The following UBE3A variants were observed in gnomAD, a reference collection of about 807,000 sequenced individuals.
The protein encoded by UBE3A is ubiquitin protein ligase E3A, also known as ubiquitin-protein ligase E3A.
In UBE3A, 6 loss-of-function variants were observed where a neutral mutation model predicts 83.4. That is an observed-to-expected ratio of 0.07 (90% CI 0.04 to 0.14). The LOEUF is 0.14. UBE3A is among the 10% of genes least tolerant of loss of function. The probability of loss-of-function intolerance (pLI) is 1.00; values close to 1 mark genes in which losing one functional copy is unlikely to be tolerated. For missense variants in UBE3A, 456 were observed against 1,036.1 expected (o/e 0.44, Z 7.69); for synonymous variants, 337 against 355.4 (o/e 0.95, Z 0.58).
chr15:25,426,299 T>C (rs1018149787), intron 1 of UBE3A, among the ~76,000 whole-genome samples: 2 of 152,220 alleles, frequency 1.3e-5, no homozygotes, highest in African/African-American at 4.8e-5. Context: ...TCAACAATTC[T>C]ACAATCTGAA....
intron 7 of UBE3A, among the ~76,000 whole-genome samples, chr15:25,358,684 C>T (rs990172741): frequency 1.3e-5 from 2 of 152,138 alleles, no homozygotes; most frequent in African/African-American, 4.8e-5. Context: ...GTCATTGTCA[C>T]TTTAAGTTTA....
rs540862781 is a variant in UBE3A at position 25,376,294 on chromosome 15, A to G, written c.63-531T>C. Among the ~76,000 whole-genome samples, 5 of 152,324 alleles carry G rather than the reference A, an allele frequency of 3.3e-5. No homozygotes were observed. In the South Asian group the frequency reaches 8.3e-4, roughly 25 times the overall value. Reference sequence around the variant, plus strand: ...TTTTCCCAATTATCAACAACATGGGAGACTTAAAAATAAATTTGTAAGTGG... The same window carrying G: ...TTTTCCCAATTATCAACAACATGGGGGACTTAAAAATAAATTTGTAAGTGG... On this transcript the variant is annotated intron_variant, in intron 4 of 12. Transcript: ENST00000648336.
intron 11 of UBE3A, among the ~76,000 whole-genome samples, chr15:25,351,248 T>C (rs1285856767): frequency 6.6e-6 from 1 of 152,046 alleles, no homozygotes; most frequent in African/African-American, 2.4e-5. Context: ...AGTCATAGAG[T>C]TGATGAGAAA....
At chr15:25,436,514 G>C (rs937468729) in intron 1 of UBE3A, among the ~76,000 whole-genome samples, 1 of 152,178 alleles carries the variant, frequency 6.6e-6, no homozygotes, top group African/African-American at 2.4e-5. Context: ...GAGAGAAACA[G>C]TGTATTATCA....
At chr15:25,364,136 G>T (rs2078629935) in intron 6 of UBE3A, among the ~76,000 whole-genome samples, 1 of 152,048 alleles carries the variant, frequency 6.6e-6, no homozygotes, top group African/African-American at 2.4e-5. Flanking sequence ...TGAGGTGGGA[G>T]GTCAAGGCTG....
In UBE3A at chr15:25,336,870, A is replaced by G. The variant is rs1483051338; in HGVS notation, c.*2267T>C. The G allele has an allele frequency of 1.3e-5, 2 of 152,180 alleles. No homozygotes were observed. The highest frequency in any genetic ancestry group is 3.9e-4 in the East Asian group (2 of 5,188). The allele number at this position is 152,180 out of a possible 1,614,324, so 9.4% of individuals were successfully genotyped here. A position where few individuals can be genotyped will look rare whatever the true frequency, so the allele number is the denominator to read the frequency against. ...AATAGAGTACCTGGGCAAAAAAAGT[A>G]CTTTTATAACATAACATTTGGGGTA... is the stretch of plus-strand genomic sequence containing the variant. On this transcript the variant is annotated 3_prime_UTR_variant, in exon 13 of 13. Coordinates refer to ENST00000648336, the MANE Select transcript of UBE3A (RefSeq NM_130839.5).
At chr15:25,357,032 T>G (rs1215289837) in intron 7 of UBE3A, 136 bp from the exon 8 acceptor site, 7 of 726,590 alleles carry the variant, frequency 9.6e-6, no homozygotes, top group Non-Finnish European at 1.3e-5. Context: ...AACATTGATT[T>G]CTATTATATT....
At chr15:25,413,496 T>C (rs907433402) in intron 1 of UBE3A, among the ~76,000 whole-genome samples, 3 of 152,210 alleles carry the variant, frequency 2.0e-5, no homozygotes, top group Non-Finnish European at 2.9e-5. Flanking sequence ...GTTTACACAT[T>C]TCACAATTAA....
chr15:25,437,858 GAA>G (rs200950500), intron 1 of UBE3A, among the ~76,000 whole-genome samples: 1 of 151,818 alleles, frequency 6.6e-6, no homozygotes, highest in Non-Finnish European at 1.5e-5. Context: ...AAAGGGGGGG[GAA>G]AAAAGGCCAA....
rs1244081799 is a variant in UBE3A, at chr15:25,367,290, AT to A, written c.1608+3275del. 7.5e-5 allele frequency among the ~76,000 whole-genome samples: 10 copies of A among 133,150 alleles called. No individual in the cohort carries two copies. In the East Asian group the frequency reaches 2.1e-3, roughly 28 times the overall value. 87.4% of individuals were successfully genotyped at this position (133,150 alleles called of 152,430 possible). A position where few individuals can be genotyped will look rare whatever the true frequency, so the allele number is the denominator to read the frequency against. On this transcript the variant is annotated intron_variant, in intron 6 of 12. Transcript: ENST00000648336. ...GTAAATATTTACATATTTAAATTAA[AT>A]TAATTTACATATTAAATTAAATTAC...
chr15:25,403,052 G>A (rs983323812), intron 4 of UBE3A, among the ~76,000 whole-genome samples: 3 of 152,160 alleles, frequency 2.0e-5, no homozygotes, highest in African/African-American at 7.2e-5. Context: ...TTATGCACAT[G>A]CCACTAATGA....
rs1383150610 is a variant in UBE3A, at chr15:25,338,457, C to CTGTT, written c.*676_*679dup. ...TTGTTTTTGTTTTTAATTTGTTGTG[C>CTGTT]TGTTACTAAAGTTCTGAGGGCTGCA... On this transcript the variant is annotated 3_prime_UTR_variant, in exon 13 of 13. Coordinates refer to ENST00000648336, the MANE Select transcript of UBE3A (RefSeq NM_130839.5). 1 of 151,978 alleles carries CTGTT rather than the reference C, an allele frequency of 6.6e-6. No homozygotes were observed. The highest frequency in any genetic ancestry group is 2.4e-5 in the African/African-American group (1 of 41,406). The allele number at this position is 151,978 out of a possible 1,614,324, so 9.4% of individuals were successfully genotyped here.
rs974552278 is a variant in UBE3A, at chr15:25,338,120, G to GCAA, written c.*1014_*1016dup. 1.5e-4 allele frequency: 23 copies of GCAA among 152,082 alleles called. No homozygotes were observed. Among genetic ancestry groups the GCAA allele is most frequent in the African/African-American group, 4.8e-4 (20 of 41,420 alleles). 9.4% of individuals were successfully genotyped at this position (152,082 alleles called of 1,614,324 possible). On this transcript the variant is annotated 3_prime_UTR_variant, in exon 13 of 13. Coordinates refer to ENST00000648336, the MANE Select transcript of UBE3A (RefSeq NM_130839.5). ...AAATGGCTGATTCAACAAGATGATGGCAACACGAAGGGGAGACTTTGGATT... is the reference window on the plus strand; with the variant it reads ...AAATGGCTGATTCAACAAGATGATGGCAACAACACGAAGGGGAGACTTTGGATT...
At chr15:25,425,465 C>T (rs148429904) in intron 1 of UBE3A, among the ~76,000 whole-genome samples, 160 of 152,166 alleles carry the variant, frequency 1.1e-3, no homozygotes, top group African/African-American at 3.8e-3. Flanking sequence ...AAGCTATTAA[C>T]AGTTTTGAAA....
chr15:25,365,480 G>C (rs2078932453), intron 6 of UBE3A, among the ~76,000 whole-genome samples: 1 of 151,988 alleles, frequency 6.6e-6, no homozygotes. Flanking sequence ...CGGGCGTGGT[G>C]GCTCATGCCT....
Position 25,395,981 on chromosome 15 carries a change from G to A in UBE3A, c.62+9480C>T, listed in dbSNP as rs138678451. ...GCGCTCTGGAAGGCCGAGGCAGGCA[G>A]ATCACGAGGTCAGGAGTTCAAGACC... On this transcript the variant is annotated intron_variant, in intron 4 of 12. Transcript: ENST00000648336. Among the ~76,000 whole-genome samples, 9 of 152,254 alleles carry A rather than the reference G, an allele frequency of 5.9e-5. No homozygotes were observed. The East Asian group carries it at 1.5e-3, about 26-fold the overall frequency.
intron 4 of UBE3A, among the ~76,000 whole-genome samples, chr15:25,378,064 A>G (rs1354132239): frequency 6.6e-6 from 1 of 152,186 alleles, no homozygotes; most frequent in Non-Finnish European, 1.5e-5. Flanking sequence ...ATTAATAACT[A>G]TAAGGGGAAA....
chr15:25,408,358 C>A, intron 3 of UBE3A: 1 of 548,756 alleles, frequency 1.8e-6, no homozygotes, highest in Non-Finnish European at 3.2e-6. Context: ...AAATGCAGAA[C>A]ATATAACCTA....
chr15:25,340,321 G>C (rs2074532749), intron 11 of UBE3A, 93 bp from the exon 12 acceptor site: 2 of 1,432,308 alleles, frequency 1.4e-6, no homozygotes, highest in Admixed American at 1.7e-5. Context: ...ACTATATTAA[G>C]AGACAACTTG....
Sources: allele counts gnomAD v4.1 joint callset (sites outside exome capture counted in the v4.1 genomes callset), GRCh38; gene constraint gnomAD v4.1.1; transcripts MANE v1.5; gene names NCBI Gene and HGNC (gene_info 2026-07-23, HGNC 2026-07-21).